The following KRABD4 variants were observed in gnomAD, a reference collection of about 807,000 sequenced individuals.
The protein encoded by KRABD4 is KRAB domain-containing protein 4.
At chrX:46,448,150 G>A in the KRABD4 span, 1 of 111,984 alleles carries the variant, frequency 8.9e-6, no homozygotes, top group African/African-American at 3.3e-5. Flanking sequence ...CTGCATGGAA[G>A]GGAGCATAGG....
chrX:46,460,055 C>T, the KRABD4 span, among the ~76,000 whole-genome samples: 1 of 112,285 alleles, frequency 8.9e-6, no homozygotes, highest in African/African-American at 3.2e-5. Context: ...TTGGGGGTTC[C>T]CATGAACCCC....
At chrX:46,458,174 A>T in the KRABD4 span, among the ~76,000 whole-genome samples, 1 of 112,725 alleles carries the variant, frequency 8.9e-6, no homozygotes, top group Non-Finnish European at 1.9e-5. Context: ...CTAACAAATC[A>T]TTGAAGATCA....
the KRABD4 span, among the ~76,000 whole-genome samples, chrX:46,461,872 C>G: frequency 2.7e-5 from 3 of 111,277 alleles, no homozygotes; most frequent in African/African-American, 6.5e-5. Context: ...GTGGACCACC[C>G]GGACCCCTTC....
the KRABD4 span, among the ~76,000 whole-genome samples, chrX:46,462,109 C>T: frequency 1.8e-5 from 2 of 112,367 alleles, no homozygotes; most frequent in South Asian, 7.4e-4. Flanking sequence ...AAATATTTCT[C>T]ATACCCTATC....
At chrX:46,464,955 T>C in the KRABD4 span, among the ~76,000 whole-genome samples, 1 of 111,933 alleles carries the variant, frequency 8.9e-6, no homozygotes, top group Non-Finnish European at 1.9e-5. Flanking sequence ...GATTTCTCTT[T>C]TGGTTCTGGT....
At chrX:46,473,347 G>A in the KRABD4 span, 3 of 1,185,309 alleles carry the variant, frequency 2.5e-6, no homozygotes, top group African/African-American at 5.3e-5. Context: ...TGAATGCAGT[G>A]AATGTGGAAA....
chrX:46,447,621 G>C, the KRABD4 span, among the ~76,000 whole-genome samples: 1 of 96,906 alleles, frequency 1.0e-5, no homozygotes, highest in Non-Finnish European at 2.1e-5. Flanking sequence ...GACTGATTGA[G>C]TCACTCCGCG....
chrX:46,471,030 G>A, the KRABD4 span: 4 of 863,348 alleles, frequency 4.6e-6, no homozygotes, highest in Non-Finnish European at 6.4e-6. Context: ...TGATGGTGCT[G>A]TTCAGATTAT....
the KRABD4 span, among the ~76,000 whole-genome samples, chrX:46,471,604 C>T: frequency 3.6e-5 from 4 of 111,785 alleles, no homozygotes; most frequent in African/African-American, 1.3e-4. Context: ...GTCTTACCGC[C>T]CTAAAAATCC....
At chrX:46,456,905 G>T in the KRABD4 span, 1 of 328,642 alleles carries the variant, frequency 3.0e-6, no homozygotes, top group Non-Finnish European at 5.2e-6. Flanking sequence ...CTTTCTTACT[G>T]CGCTGAGAAA....
At chrX:46,449,791 G>C in the KRABD4 span, among the ~76,000 whole-genome samples, 2 of 111,949 alleles carry the variant, frequency 1.8e-5, no homozygotes, top group Non-Finnish European at 3.8e-5. Context: ...TGTTTAGACA[G>C]GGATTCCCTC....
the KRABD4 span, chrX:46,463,241 A>C: frequency 2.5e-6 from 3 of 1,210,400 alleles, no homozygotes; most frequent in Non-Finnish European, 3.4e-6. Context: ...GGTTGGGACC[A>C]GGTGAAGAGT....
chrX:46,448,956 G>A, the KRABD4 span, among the ~76,000 whole-genome samples: 1 of 112,193 alleles, frequency 8.9e-6, no homozygotes, highest in Admixed American at 9.5e-5. Context: ...CTCTAGGTAC[G>A]CTGTCATCCA....
At chrX:46,449,644 A>G in the KRABD4 span, among the ~76,000 whole-genome samples, 2 of 112,460 alleles carry the variant, frequency 1.8e-5, no homozygotes, top group African/African-American at 6.5e-5. Flanking sequence ...TTTTAAACAC[A>G]TTAGGAACTA....
At chrX:46,469,361 G>A in the KRABD4 span, among the ~76,000 whole-genome samples, 3 of 112,105 alleles carry the variant, frequency 2.7e-5, no homozygotes, top group Non-Finnish European at 5.6e-5. Flanking sequence ...TTTTATTTCA[G>A]TAATATTTGA....
the KRABD4 span, among the ~76,000 whole-genome samples, chrX:46,467,122 G>A: frequency 8.9e-6 from 1 of 112,174 alleles, no homozygotes; most frequent in East Asian, 2.8e-4. Context: ...AATTGTCCCT[G>A]GGGTTTTTTT....
At chrX:46,468,016 A>T in the KRABD4 span, among the ~76,000 whole-genome samples, 1 of 110,369 alleles carries the variant, frequency 9.1e-6, no homozygotes, top group African/African-American at 3.3e-5. Context: ...GGTAACAGAG[A>T]TTTTTTCTGT....
chrX:46,460,538 C>G, the KRABD4 span, among the ~76,000 whole-genome samples: 3 of 108,199 alleles, frequency 2.8e-5, no homozygotes, highest in Non-Finnish European at 5.7e-5. Context: ...TTCATGCCCT[C>G]TCTGGACTCA....
At chrX:46,456,266 TTAA>T in the KRABD4 span, 2 of 108,482 alleles carry the variant, frequency 1.8e-5, no homozygotes, top group Admixed American at 2.0e-4. Context: ...CATTTATCAT[TTAA>T]TAATAATTTA....
Sources: gnomAD v4.1 joint callset for allele counts (sites outside exome capture counted in the v4.1 genomes callset) on GRCh38, gnomAD v4.1.1 for gene constraint, MANE v1.5 for transcripts, NCBI Gene and HGNC (gene_info 2026-07-23, HGNC 2026-07-21) for gene names.